Variants in REPS1 observed in about 807,000 individuals in gnomAD.
REPS1 encodes the protein RALBP1 associated Eps domain containing 1.
A neutral mutation model predicts 100.9 loss-of-function variants in REPS1; 39 were observed. The observed-to-expected ratio is 0.39, with a 90% CI of 0.30 to 0.50. The LOEUF is 0.50. Ranked by LOEUF, REPS1 falls within the 20% of genes least tolerant of loss-of-function variation. The pLI, the probability that REPS1 is intolerant of heterozygous loss-of-function variation, is 0.86. For synonymous variants in REPS1, 324 were observed against 340.3 expected, an observed-to-expected ratio of 0.95 and a Z score of 0.53; for missense variants, 821 against 968.5, an observed-to-expected ratio of 0.85 and a Z score of 2.02.
chr6:138,983,801 C>A (rs1785090494), intron 1 of REPS1, among the ~76,000 whole-genome samples: 1 of 152,194 alleles, frequency 6.6e-6, no homozygotes, highest in South Asian at 2.1e-4. Context: ...AATCCCGAAC[C>A]TCTGAACCTG....
At chr6:138,918,442 G>A (rs1780550284) in intron 12 of REPS1, among the ~76,000 whole-genome samples, 1 of 152,270 alleles carries the variant, frequency 6.6e-6, no homozygotes. Flanking sequence ...AGGGATGACT[G>A]TATTACAATT....
chr6:138,952,215 G>T (rs1440561711), intron 1 of REPS1, among the ~76,000 whole-genome samples: 1 of 152,056 alleles, frequency 6.6e-6, no homozygotes, highest in Admixed American at 6.6e-5. Context: ...AATTAGGGAA[G>T]AGAAAGAAAG....
At chr6:138,939,760 T>C (rs1001686568) in intron 8 of REPS1, among the ~76,000 whole-genome samples, 1 of 152,200 alleles carries the variant, frequency 6.6e-6, no homozygotes, top group Non-Finnish European at 1.5e-5. Flanking sequence ...AACAAAGAAG[T>C]TGTTTTTATT....
chr6:138,920,148 C>T (rs1780655567), intron 12 of REPS1, 67 bp downstream of exon 12: 2 of 858,250 alleles, frequency 2.3e-6, no homozygotes, highest in Non-Finnish European at 4.0e-6. Context: ...GCATACACAT[C>T]TGAAATAGTC....
At chr6:138,911,208 A>G (rs1414598756) in intron 17 of REPS1, 68 bp downstream of exon 17, 6 of 1,073,864 alleles carry the variant, frequency 5.6e-6, no homozygotes, top group Non-Finnish European at 8.6e-6. Context: ...GGCTGACCTT[A>G]TTTCTAAAAA....
chr6:138,974,761 T>C (rs1784507885), intron 1 of REPS1, among the ~76,000 whole-genome samples: 1 of 152,178 alleles, frequency 6.6e-6, no homozygotes, highest in Non-Finnish European at 1.5e-5. Flanking sequence ...ATATACAGAC[T>C]TTAAGGCCGG....
intron 1 of REPS1, among the ~76,000 whole-genome samples, chr6:138,964,125 C>A (rs1191986027): frequency 6.6e-6 from 1 of 152,130 alleles, no homozygotes. Flanking sequence ...TCTTTGATTT[C>A]AAGCCTGCAC....
chr6:138,945,829 T>C (rs748968009), intron 2 of REPS1, 132 bp from the exon 3 acceptor site: 5 of 701,028 alleles, frequency 7.1e-6, no homozygotes, highest in Non-Finnish European at 1.1e-5. Context: ...AAAATGTCTA[T>C]CACCACAAAA....
At chr6:138,921,976 AGTGTGTGTGTGTGT>A (rs71895504) in intron 10 of REPS1, among the ~76,000 whole-genome samples, 1 of 148,502 alleles carries the variant, frequency 6.7e-6, no homozygotes, top group South Asian at 2.1e-4. Flanking sequence ...CATCTCAAAA[AGTGTGTGTGTGTGT>A]GTGTGTGTGT....
chr6:138,912,713 G>T, intron 16 of REPS1, 52 bp downstream of exon 16: 1 of 1,524,552 alleles, frequency 6.6e-7, no homozygotes, highest in Non-Finnish European at 9.1e-7. Context: ...GACACAACAT[G>T]GTATGGGAAG....
chr6:138,952,146 A>G (rs1783078769), intron 1 of REPS1, among the ~76,000 whole-genome samples: 1 of 152,150 alleles, frequency 6.6e-6, no homozygotes, highest in African/African-American at 2.4e-5. Flanking sequence ...GTAGTTAAGG[A>G]TATAGAATTT....
At chr6:138,921,914 G>A (rs1481319024) in intron 10 of REPS1, among the ~76,000 whole-genome samples, 1 of 151,884 alleles carries the variant, frequency 6.6e-6, no homozygotes, top group African/African-American at 2.4e-5. Context: ...GGAACCTGCA[G>A]TGAGCTGTGA....
chr6:138,921,976 AGTGTGT>A (rs71895504), intron 10 of REPS1, among the ~76,000 whole-genome samples: 57 of 148,604 alleles, frequency 3.8e-4, no homozygotes, highest in Admixed American at 9.4e-4. Flanking sequence ...CATCTCAAAA[AGTGTGT>A]GTGTGTGTGT....
intron 13 of REPS1, 101 bp from the exon 14 acceptor site, chr6:138,916,077 C>T: frequency 1.2e-6 from 1 of 858,078 alleles, no homozygotes; most frequent in Non-Finnish European, 2.0e-6. Context: ...ATCTTATTAG[C>T]ATGACATTTT....
intron 18 of REPS1, among the ~76,000 whole-genome samples, 173 bp downstream of exon 18, chr6:138,908,495 C>T (rs1317417966): frequency 6.6e-6 from 1 of 152,148 alleles, no homozygotes; most frequent in Non-Finnish European, 1.5e-5. Flanking sequence ...TGGGGTTTCA[C>T]CATGTTGGTC....
chr6:138,941,373 C>T lies in REPS1; in HGVS notation c.1097G>A (p.Ser366Asn). ...CAAATCAATCAGTTTGGGCATTAAG[C>T]TTTCAGGAAGTTTTTCTGGTAAATC... ...GYDLPEKLPE[S>N]LMPKLIDLED... The change falls in exon 8 of 20, where the codon AGC (serine) becomes AAC (asparagine). Residue 366 changes from serine to asparagine, a missense_variant. By Grantham distance (46) the Ser-to-Asn change is conservative. This residue lies in a region of REPS1 where 757 missense variants were observed against 866.4 expected (regional missense o/e 0.87). Coordinates refer to ENST00000450536, the MANE Select transcript of REPS1 (RefSeq NM_001286611.2). The T allele has an allele frequency of 1.2e-6, 2 of 1,614,050 alleles. No homozygotes were observed. Among genetic ancestry groups the T allele is most frequent in the Non-Finnish European group, 1.7e-6 (2 of 1,179,986 alleles).
Position 138,944,521 on chromosome 6 carries a change from T to A in REPS1, c.730A>T (p.Thr244Ser). Residue 244 changes from threonine to serine, a missense_variant, in exon 5 of 20, where the codon ACC becomes TCC. This residue lies in a region of REPS1 where 757 missense variants were observed against 866.4 expected (regional missense o/e 0.87). Coordinates refer to ENST00000450536, the MANE Select transcript of REPS1 (RefSeq NM_001286611.2). ...ACCTGGACAGAAGCAGGATGCATGG[T>A]TAAAAGAGTACTGGTTGGTGGAGTA... ...ADTPPTSTLL[T>S]MHPASVQDQT... The A allele has an allele frequency of 6.2e-7, 1 of 1,614,058 alleles. No individual in the cohort carries two copies. Among genetic ancestry groups the A allele is most frequent in the Non-Finnish European group, 8.5e-7 (1 of 1,179,966 alleles).
rs186225799 is a variant in REPS1 at position 138,953,420 on chromosome 6, G to T, written c.154-5507C>A. 6.6e-5 allele frequency among the ~76,000 whole-genome samples: 10 copies of T among 152,110 alleles called. No homozygotes were observed. In the East Asian group the frequency reaches 1.9e-3, roughly 29 times the overall value. ...GTAAAAGACAACTTACAGAATGGGAGAAAATATCTGGAAACTAACCATCCA... is the reference window on the plus strand; with the variant it reads ...GTAAAAGACAACTTACAGAATGGGATAAAATATCTGGAAACTAACCATCCA... On this transcript the variant is annotated intron_variant, in intron 1 of 19. Coordinates refer to ENST00000450536, the MANE Select transcript of REPS1 (RefSeq NM_001286611.2).
intron 1 of REPS1, among the ~76,000 whole-genome samples, chr6:138,959,735 T>G (rs1783619607): frequency 6.6e-6 from 1 of 151,968 alleles, no homozygotes; most frequent in South Asian, 2.1e-4. Flanking sequence ...CTCACTAACT[T>G]AAGTAACATG....
Sources: allele counts gnomAD v4.1 joint callset (sites outside exome capture counted in the v4.1 genomes callset), GRCh38; gene constraint gnomAD v4.1.1; regional missense constraint gnomAD v4.1.1; transcripts MANE v1.5; gene names NCBI Gene and HGNC (gene_info 2026-07-23, HGNC 2026-07-21).